Variants in FCER1A observed in about 807,000 individuals in gnomAD.
FCER1A encodes the protein Fc epsilon receptor Ia.
Under a neutral mutation model 23.6 loss-of-function variants are expected in FCER1A, and 24 were observed. The ratio of observed to expected loss-of-function variants is 1.02; its 90% CI spans 0.74 to 1.43. FCER1A has a LOEUF of 1.43. Among genes scored for constraint, FCER1A ranks in the 40% most tolerant of loss-of-function variants. The probability of loss-of-function intolerance (pLI) is 0.00; values close to 1 mark genes in which losing one functional copy is unlikely to be tolerated. For synonymous variants in FCER1A, 121 were observed against 108.8 expected (o/e 1.11, Z -0.70); for missense variants, 318 against 294.5 (o/e 1.08, Z -0.58).
intron 3 of FCER1A, among the ~76,000 whole-genome samples, chr1:159,304,465 G>A (rs973714956): frequency 2.0e-5 from 3 of 152,020 alleles, no homozygotes; most frequent in African/African-American, 7.3e-5. Flanking sequence ...AAATTAGCCG[G>A]GCGTAGTGGT....
In FCER1A at chr1:159,306,128, A is replaced by T; in HGVS notation, c.472A>T (p.Asn158Tyr). The T allele has an allele frequency of 6.2e-7, 1 of 1,614,168 alleles. No homozygotes were observed. The highest frequency in any genetic ancestry group is 8.5e-7 in the Non-Finnish European group (1 of 1,180,016). Reference protein sequence around the residue: ...DGEALKYWYENHNISITNATV... With the variant: ...DGEALKYWYEYHNISITNATV... ...TGAAGCTCTCAAGTACTGGTATGAG[A>T]ACCACAACATCTCCATTACAAATGC... The change falls in exon 4 of 5, where the codon AAC becomes TAC. Residue 158 changes from asparagine to tyrosine, a missense_variant. Coordinates refer to ENST00000693622, the MANE Select transcript of FCER1A (RefSeq NM_001387280.1).
At chr1:159,299,027 G>A (rs964065787), upstream of FCER1A, among the ~76,000 whole-genome samples, 3 of 152,172 alleles carry the variant, frequency 2.0e-5, no homozygotes, top group Non-Finnish European at 4.4e-5. Flanking sequence ...ATATTGCCAG[G>A]TTCAAATTCT....
At chr1:159,294,453 T>C (rs1652243668) in intron 1 of FCER1A, among the ~76,000 whole-genome samples, 1 of 152,204 alleles carries the variant, frequency 6.6e-6, no homozygotes, top group South Asian at 2.1e-4. Context: ...AAAGTCATTT[T>C]TCATCAAATG....
At chr1:159,302,717 CCT>C (rs1453019212) in intron 1 of FCER1A, 135 bp from the exon 2 acceptor site, 13 of 825,286 alleles carry the variant, frequency 1.6e-5, no homozygotes, top group Non-Finnish European at 2.5e-5. Flanking sequence ...TCTTTCTTCC[CCT>C]GATTCTGATT....
Position 159,302,353 on chromosome 1 carries a change from T to C in FCER1A, c.-12T>C, listed in dbSNP as rs1385884603. The C allele has an allele frequency of 6.3e-7, 1 of 1,595,106 alleles. No individual in the cohort carries two copies. The highest frequency in any genetic ancestry group is 8.6e-7 in the Non-Finnish European group (1 of 1,162,984). On this transcript the variant is annotated 5_prime_UTR_variant, in exon 1 of 5. Transcript: ENST00000693622. ...TCTCCAGCACAGTAAGCACCAGGAG[T>C]CCATGAAGAAGATGGCTCCTGCCAT...
chr1:159,296,897 C>G (rs1652306119), intron 1 of FCER1A, among the ~76,000 whole-genome samples: 1 of 152,112 alleles, frequency 6.6e-6, no homozygotes, highest in Non-Finnish European at 1.5e-5. Context: ...TGTTCCCATC[C>G]TCACTCATAC....
intron 1 of FCER1A, among the ~76,000 whole-genome samples, chr1:159,297,155 T>C (rs1354270017): frequency 6.6e-6 from 1 of 152,170 alleles, no homozygotes; most frequent in Non-Finnish European, 1.5e-5. Context: ...GAGGGCTGAC[T>C]CTGCACAATG....
At chr1:159,291,282 C>A (rs1025551804) in intron 1 of FCER1A, among the ~76,000 whole-genome samples, 10 of 152,228 alleles carry the variant, frequency 6.6e-5, no homozygotes, top group African/African-American at 2.2e-4. Context: ...CTTCCACCAA[C>A]CTTTGAAAGT....
Position 159,303,986 on chromosome 1 carries a change from G to A in FCER1A, c.135G>A (p.Glu45=). The change falls in exon 3 of 5, where the codon GAG becomes GAA. Residue 45 remains glutamate, a synonymous_variant. Transcript: ENST00000693622. The stretch of plus-strand genomic sequence containing the variant: ...CATGGAATAGAATATTTAAAGGAGA[G>A]AATGTGACTCTTACATGTAATGGGA... ...NPPWNRIFKG[E]NVTLTCNGNN... 1 of 1,612,628 alleles carries A rather than the reference G, an allele frequency of 6.2e-7. No homozygotes were observed. The highest frequency in any genetic ancestry group is 8.5e-7 in the Non-Finnish European group (1 of 1,178,634).
At position 159,304,264 on chromosome 1, in the gene FCER1A, A is replaced by C. The variant is rs907033651; in HGVS notation, c.331+82A>C. ...AGATGGGAAAAAACAGGTTATTCCA[A>C]GGGTTAGGACACCAGAGTGGGATTC... On this transcript the variant is annotated intron_variant, in intron 3 of 4. Coordinates refer to ENST00000693622, the MANE Select transcript of FCER1A (RefSeq NM_001387280.1). 17 of 1,406,140 alleles carry C rather than the reference A, an allele frequency of 1.2e-5. No individual in the cohort carries two copies. In the African/African-American group the frequency reaches 2.4e-4, roughly 20 times the overall value. 87.1% of individuals were successfully genotyped at this position (1,406,140 alleles called of 1,614,324 possible).
At chr1:159,286,235 A>T (rs1263768114), upstream of FCER1A, among the ~76,000 whole-genome samples, 1 of 152,096 alleles carries the variant, frequency 6.6e-6, no homozygotes, top group Non-Finnish European at 1.5e-5. Context: ...ATGCATGCAC[A>T]AAAGCTAACT....
intron 1 of FCER1A, among the ~76,000 whole-genome samples, chr1:159,290,778 A>G (rs949855622): frequency 1.3e-5 from 2 of 152,182 alleles, no homozygotes; most frequent in Non-Finnish European, 2.9e-5. Context: ...ACCTGTGCTT[A>G]TATTTTTATT....
At chr1:159,289,389 A>T (rs36233780), upstream of FCER1A, among the ~76,000 whole-genome samples, 163 of 152,316 alleles carry the variant, frequency 1.1e-3, no homozygotes, top group South Asian at 4.1e-3. Context: ...GCCAGAAAAC[A>T]TCTAGATGTT....
At chr1:159,305,806 A>G (rs1417665162) in intron 3 of FCER1A, among the ~76,000 whole-genome samples, 182 bp from the exon 4 acceptor site, 1 of 152,208 alleles carries the variant, frequency 6.6e-6, no homozygotes, top group Non-Finnish European at 1.5e-5. Flanking sequence ...GGATTTATCA[A>G]TACACAAGAC....
intron 1 of FCER1A, among the ~76,000 whole-genome samples, chr1:159,296,022 A>T (rs1403862146): frequency 1.3e-5 from 2 of 152,202 alleles, no homozygotes; most frequent in Non-Finnish European, 2.9e-5. Flanking sequence ...GGAAGAGGAG[A>T]TCAAATAACA....
chr1:159,294,935 A>T (rs2102220059), intron 1 of FCER1A, among the ~76,000 whole-genome samples: 1 of 152,308 alleles, frequency 6.6e-6, no homozygotes, highest in East Asian at 1.9e-4. Flanking sequence ...AATTAGCCAA[A>T]ATTCTACCAG....
At chr1:159,306,968 A>G (rs570435897) in intron 4 of FCER1A, among the ~76,000 whole-genome samples, 8 of 152,336 alleles carry the variant, frequency 5.3e-5, no homozygotes, top group Non-Finnish European at 7.4e-5. Context: ...TTGAGACTGA[A>G]GTGCTATGTA....
At chr1:159,291,520 G>GA (rs1652153178) in intron 1 of FCER1A, among the ~76,000 whole-genome samples, 2 of 152,162 alleles carry the variant, frequency 1.3e-5, no homozygotes, top group Non-Finnish European at 2.9e-5. Context: ...TGTTATGGCA[G>GA]AAACACCTGT....
chr1:159,286,424 C>T (rs928658221), upstream of FCER1A, among the ~76,000 whole-genome samples: 4 of 151,680 alleles, frequency 2.6e-5, no homozygotes, highest in Non-Finnish European at 5.9e-5. Context: ...GCTCCGCCTC[C>T]CGGGTTCATG....
Sources: gnomAD v4.1 joint callset for allele counts (sites outside exome capture counted in the v4.1 genomes callset) on GRCh38, gnomAD v4.1.1 for gene constraint, MANE v1.5 for transcripts, NCBI Gene and HGNC (gene_info 2026-07-23, HGNC 2026-07-21) for gene names.